The following APPL2 variants were observed in gnomAD, a reference collection of about 807,000 sequenced individuals.
APPL2 encodes the protein DCC-interacting protein 13-beta.
A neutral mutation model predicts 92.7 loss-of-function variants in APPL2; 84 were observed. The ratio of observed to expected loss-of-function variants is 0.91; its 90% confidence interval spans 0.76 to 1.09. APPL2 has a LOEUF of 1.09. APPL2 is among the 50% of genes least tolerant of loss of function. The probability of loss-of-function intolerance (pLI) is 0.00; values close to 1 mark genes in which losing one functional copy is unlikely to be tolerated. For synonymous variants in APPL2, 291 were observed against 291.0 expected, an observed-to-expected ratio of 1.00 and a Z score of 0.00; for missense variants, 736 against 824.5, an observed-to-expected ratio of 0.89 and a Z score of 1.31.
chr12:105,232,273 C>T (rs780209273), intron 1 of APPL2, among the ~76,000 whole-genome samples: 82 of 152,222 alleles, frequency 5.4e-4, no homozygotes, highest in Non-Finnish European at 1.0e-3. Context: ...AGGGTATGCT[C>T]GGCCAGAGAA....
At chr12:105,176,171 C>G (rs1885526003) in intron 19 of APPL2, 89 bp from the exon 20 acceptor site, 2 of 1,122,644 alleles carry the variant, frequency 1.8e-6, no homozygotes, top group African/African-American at 3.2e-5. Context: ...AGTGAGGTCA[C>G]TGTTCTCACT....
At chr12:105,191,579 A>T (rs1179216200) in intron 14 of APPL2, among the ~76,000 whole-genome samples, 1 of 152,164 alleles carries the variant, frequency 6.6e-6, no homozygotes, top group Non-Finnish European at 1.5e-5. Flanking sequence ...GAGGGCCCTT[A>T]TACCGTCAGG....
chr12:105,228,592 G>C (rs1171894687), intron 2 of APPL2, among the ~76,000 whole-genome samples: 1 of 152,144 alleles, frequency 6.6e-6, no homozygotes, highest in East Asian at 1.9e-4. Flanking sequence ...GGCACTTCTT[G>C]ACATTAAAAA....
At chr12:105,175,175 T>A (rs1196866) in intron 20 of APPL2, among the ~76,000 whole-genome samples, 1 of 152,034 alleles carries the variant, frequency 6.6e-6, no homozygotes, top group Admixed American at 6.6e-5. Context: ...TAAGCCACCA[T>A]GCCTGGCCTG....
chr12:105,202,704 T>A (rs978440483), intron 9 of APPL2, among the ~76,000 whole-genome samples: 1 of 152,202 alleles, frequency 6.6e-6, no homozygotes, highest in Admixed American at 6.5e-5. Flanking sequence ...CTAGCATAAT[T>A]ATAAATAAAA....
chr12:105,186,726 TCATA>T (rs1243272727), intron 17 of APPL2, among the ~76,000 whole-genome samples: 1 of 137,956 alleles, frequency 7.2e-6, no homozygotes, highest in African/African-American at 2.8e-5. Flanking sequence ...CATATATATA[TCATA>T]TATATCATAT....
At chr12:105,185,622 G>T (rs1886535198) in intron 17 of APPL2, among the ~76,000 whole-genome samples, 1 of 151,950 alleles carries the variant, frequency 6.6e-6, no homozygotes, top group South Asian at 2.1e-4. Context: ...TACCGCAGTT[G>T]GAAATGCAGA....
chr12:105,195,280 G>GT lies in APPL2; in HGVS notation c.1221dup (p.Gln408ThrfsTer18), dbSNP rs759930326. The GT allele has an allele frequency of 1.9e-6, 3 of 1,614,120 alleles. No individual in the cohort carries two copies. Among genetic ancestry groups the GT allele is most frequent in the African/African-American group, 2.7e-5 (2 of 75,008 alleles). ...AGTTACCTGGGGCATGAGCTTTCTTGTTTTTTTCCAAAACTTGTAATGGGA... is the reference window on the plus strand; with the variant it reads ...AGTTACCTGGGGCATGAGCTTTCTTGTTTTTTTTCCAAAACTTGTAATGGGA... On this transcript the variant is annotated frameshift_variant, in exon 14 of 21. Coordinates refer to ENST00000258530, the MANE Select transcript of APPL2 (RefSeq NM_018171.5). LOFTEE classifies it high-confidence loss of function.
At chr12:105,200,852 GTATGTATGTATGTATCTATCTATC>G (rs1333435303) in intron 9 of APPL2, among the ~76,000 whole-genome samples, 30 of 137,118 alleles carry the variant, frequency 2.2e-4, no homozygotes, top group African/African-American at 6.7e-4. Flanking sequence ...ATGTATGTAT[GTATGTATGTATGTATCTATCTATC>G]TATCTATCTA....
chr12:105,197,298 C>T (rs1448816643), intron 11 of APPL2, among the ~76,000 whole-genome samples: 3 of 152,248 alleles, frequency 2.0e-5, no homozygotes, highest in East Asian at 1.9e-4. Flanking sequence ...GCCTGGCAGC[C>T]GACGATGCTG....
At chr12:105,233,962 C>G (rs908703067) in intron 1 of APPL2, among the ~76,000 whole-genome samples, 3 of 152,080 alleles carry the variant, frequency 2.0e-5, no homozygotes, top group Non-Finnish European at 4.4e-5. Flanking sequence ...CTTCCAGTTC[C>G]AAGTCTAGGA....
chr12:105,200,204 G>A (rs1888041098), intron 9 of APPL2, among the ~76,000 whole-genome samples: 1 of 152,130 alleles, frequency 6.6e-6, no homozygotes, highest in African/African-American at 2.4e-5. Flanking sequence ...AATTTTTGGA[G>A]AAAAGCTTTG....
intron 7 of APPL2, 67 bp from the exon 8 acceptor site, chr12:105,207,274 G>A: frequency 6.8e-7 from 1 of 1,471,514 alleles, no homozygotes; most frequent in Non-Finnish European, 9.1e-7. Context: ...AAAAGCGTGT[G>A]CTTCAAAATG....
At position 105,228,368 on chromosome 12, in the gene APPL2, C is replaced by T. The variant is rs145506687; in HGVS notation, c.153+757G>A. ...AAAAGTTACAGATTTTGGAGCATTTCGGATTTTGGATTTTCAAATTTGGGA... is the reference window on the plus strand; with the variant it reads ...AAAAGTTACAGATTTTGGAGCATTTTGGATTTTGGATTTTCAAATTTGGGA... On this transcript the variant is annotated intron_variant, in intron 2 of 20. Transcript: ENST00000258530. Among the ~76,000 whole-genome samples, 67 of 151,332 alleles carry T rather than the reference C, an allele frequency of 4.4e-4. 1 individual carries two copies. The highest frequency in any genetic ancestry group is 1.5e-3 in the African/African-American group (60 of 40,674).
In APPL2 at chr12:105,188,403, T is replaced by G; in HGVS notation, c.1504A>C (p.Met502Leu). The change falls in exon 17 of 21, where the codon ATG becomes CTG. Residue 502 changes from methionine (M) to leucine (L), a missense_variant. Met to Leu is a conservative substitution (Grantham distance 15, BLOSUM62 2). Coordinates refer to ENST00000258530, the MANE Select transcript of APPL2 (RefSeq NM_018171.5). ...GTAGTGCTGTCTGTTTTAACTGCCATTGATCCCAAAAACCGAACTATAAAC... is the reference window on the plus strand; with the variant it reads ...GTAGTGCTGTCTGTTTTAACTGCCAGTGATCCCAAAAACCGAACTATAAAC... ...QMFIVRFLGS[M>L]AVKTDSTTEV... 1 of 1,614,192 alleles carries G rather than the reference T, an allele frequency of 6.2e-7. No individual in the cohort carries two copies. The highest frequency in any genetic ancestry group is 8.5e-7 in the Non-Finnish European group (1 of 1,180,006).
At chr12:105,183,018 G>A (rs957878276) in intron 17 of APPL2, among the ~76,000 whole-genome samples, 5 of 141,808 alleles carry the variant, frequency 3.5e-5, no homozygotes, top group Admixed American at 1.4e-4. Context: ...GCCCTTCTTT[G>A]TCTTTTTTGA....
intron 17 of APPL2, among the ~76,000 whole-genome samples, chr12:105,181,890 T>C (rs923869717): frequency 1.3e-5 from 2 of 152,230 alleles, no homozygotes; most frequent in African/African-American, 4.8e-5. Context: ...TCTATCAATT[T>C]TGTTAATCTT....
At chr12:105,174,508 T>C (rs1885294287) in intron 20 of APPL2, 60 bp from the exon 21 acceptor site, 1 of 1,548,956 alleles carries the variant, frequency 6.5e-7, no homozygotes, top group African/African-American at 1.4e-5. Flanking sequence ...TTTAAACCCC[T>C]TTGGCCTGGC....
intron 4 of APPL2, among the ~76,000 whole-genome samples, chr12:105,212,567 T>A (rs1889314132): frequency 1.3e-5 from 2 of 152,226 alleles, no homozygotes; most frequent in Admixed American, 1.3e-4. Context: ...GATACAGAAT[T>A]TGTCCTTTAT....
Sources: gnomAD v4.1 joint callset for allele counts (sites outside exome capture counted in the v4.1 genomes callset) on GRCh38, gnomAD v4.1.1 for gene constraint, MANE v1.5 for transcripts, NCBI Gene and HGNC (gene_info 2026-07-23, HGNC 2026-07-21) for gene names.